The following KIF26B variants were observed in gnomAD, a reference collection of about 807,000 sequenced individuals.
KIF26B encodes kinesin family member 26B.
KIF26B carries 63 observed loss-of-function variants against 151.2 expected under a neutral mutation model. The observed-to-expected ratio is 0.42, with a 90% CI of 0.34 to 0.51. KIF26B has a LOEUF of 0.51. Ranked by LOEUF, KIF26B falls within the 20% of genes least tolerant of loss-of-function variation. The probability of loss-of-function intolerance (pLI) is 0.07; values close to 1 mark genes in which losing one functional copy is unlikely to be tolerated. For synonymous variants in KIF26B, 1,357 were observed against 1,262.1 expected (o/e 1.08, Z -1.59); for missense variants, 2,813 against 2,913.6 (o/e 0.97, Z 0.79).
At position 245,156,328 on chromosome 1, in the gene KIF26B, C is replaced by A; in HGVS notation, c.110C>A (p.Pro37Gln). 6.5e-7 allele frequency: 1 copy of A among 1,547,492 alleles called. No individual in the cohort carries two copies. ...SPTKPAAPFS[P>Q]ESWYRKAYEE... ...ACCAAGCCCGCAGCGCCCTTCTCCC[C>A]GGAAAGCTGGTACCGGAAAGCATAC... The change falls in exon 2 of 15, where the codon CCG becomes CAG. Residue 37 changes from proline to glutamine, a missense_variant. Pro to Gln is a moderately conservative substitution (Grantham distance 76). Transcript: ENST00000407071.
At chr1:245,197,475 T>C (rs1669216054) in intron 2 of KIF26B, among the ~76,000 whole-genome samples, 1 of 152,166 alleles carries the variant, frequency 6.6e-6, no homozygotes, top group African/African-American at 2.4e-5. Flanking sequence ...AATATAATTA[T>C]AACTTTGTTT....
chr1:245,421,671 C>G (rs1658490209), intron 4 of KIF26B, among the ~76,000 whole-genome samples: 1 of 152,158 alleles, frequency 6.6e-6, no homozygotes, highest in South Asian at 2.1e-4. Flanking sequence ...TTGACTGACT[C>G]ACAAGGCAAC....
rs74163062 is a variant in KIF26B at position 245,532,248 on chromosome 1, CTTTT to C, written c.1167-8507_1167-8504del. 1.7e-3 allele frequency among the ~76,000 whole-genome samples: 210 copies of C among 121,460 alleles called. 1 individual carries two copies. Among genetic ancestry groups the C allele is most frequent in the Admixed American group, 3.3e-3 (37 of 11,082 alleles). 79.7% of individuals were successfully genotyped at this position (121,460 alleles called of 152,430 possible). On this transcript the variant is annotated intron_variant, in intron 4 of 14. Coordinates refer to ENST00000407071, the MANE Select transcript of KIF26B (RefSeq NM_018012.4). The stretch of plus-strand genomic sequence containing the variant: ...CTTTTCTTTTCTTTTCTTTTCTTTT[CTTTT>C]TTTTTTTTTTTGAGACAGAGTCTTG...
intron 3 of KIF26B, among the ~76,000 whole-genome samples, chr1:245,418,422 C>A (rs1026174809): frequency 6.6e-6 from 1 of 152,134 alleles, no homozygotes; most frequent in Non-Finnish European, 1.5e-5. Flanking sequence ...TGAATTTAAG[C>A]GGAGCAAAGT....
intron 3 of KIF26B, among the ~76,000 whole-genome samples, chr1:245,397,740 A>G (rs79632765): frequency 3.0e-3 from 463 of 152,334 alleles, no homozygotes; most frequent in African/African-American, 0.011. Context: ...GGAACATGCC[A>G]GTGTCTTCAA....
chr1:245,544,779 G>A (rs529925097), intron 5 of KIF26B, among the ~76,000 whole-genome samples: 42 of 152,288 alleles, frequency 2.8e-4, no homozygotes, highest in African/African-American at 1.0e-3. Context: ...ACTTTTCAGA[G>A]TCAGGATTGG....
At position 245,560,084 on chromosome 1, in the gene KIF26B, C is replaced by T. The variant is rs1358127402; in HGVS notation, c.1350+19134C>T. On this transcript the variant is annotated intron_variant, in intron 5 of 14. Transcript: ENST00000407071. This position sits in a 1 kb window ranked among gnomAD's most constrained non-coding sequence, Gnocchi z 4.3. ...CAGGCCCAGCTCCCGTGTCACCTGCCACCTGCAGGCCTTCCTCTTGTCCCT... is the reference window on the plus strand; with the variant it reads ...CAGGCCCAGCTCCCGTGTCACCTGCTACCTGCAGGCCTTCCTCTTGTCCCT... 1.3e-5 allele frequency among the ~76,000 whole-genome samples: 2 copies of T among 152,284 alleles called. No individual in the cohort carries two copies. Among genetic ancestry groups the T allele is most frequent in the East Asian group, 3.9e-4 (2 of 5,164 alleles).
intron 4 of KIF26B, among the ~76,000 whole-genome samples, chr1:245,522,492 A>G (rs770395569): frequency 3.3e-5 from 5 of 152,198 alleles, no homozygotes; most frequent in Non-Finnish European, 7.3e-5. Context: ...CAGAGGAGGA[A>G]CTACCAAGTA....
Position 245,687,317 on chromosome 1 carries a change from A to T in KIF26B, c.4334A>T (p.Glu1445Val). 1 of 1,603,438 alleles carries T rather than the reference A, an allele frequency of 6.2e-7. No homozygotes were observed. Residue 1445 changes from glutamate (E) to valine (V), a missense_variant, in exon 12 of 15, where the codon GAA (glutamate) becomes GTA (valine). Glu to Val is a moderately radical substitution (Grantham distance 121). Coordinates refer to ENST00000407071, the MANE Select transcript of KIF26B (RefSeq NM_018012.4). The surrounding 1 kb of genome is among the most constrained non-coding windows in gnomAD (Gnocchi z 4.9). ...TTTGAGGACCCGTGGCTGAAACGAG[A>T]AGAGGAAGTGAAAAAAGAGACGGCT... is the stretch of plus-strand genomic sequence containing the variant. ...MKFEDPWLKR[E>V]EEVKKETAHP...
intron 10 of KIF26B, among the ~76,000 whole-genome samples, chr1:245,665,770 C>T (rs548901267): frequency 9.9e-5 from 15 of 152,012 alleles, no homozygotes; most frequent in East Asian, 9.7e-4. Flanking sequence ...CTGCAACCTC[C>T]GCTTCCCGAG....
At chr1:245,156,254 C>A in intron 1 of KIF26B, 28 bp from the exon 2 acceptor site, 1 of 1,541,224 alleles carries the variant, frequency 6.5e-7, no homozygotes, top group South Asian at 1.2e-5. Flanking sequence ...GCCTTGCAGC[C>A]CCTGACACCG....
rs78972305 is a variant in KIF26B, at chr1:245,312,419, T to C, written c.466-54415T>C. Among the ~76,000 whole-genome samples, 547 of 152,322 alleles carry C rather than the reference T, an allele frequency of 3.6e-3. 1 individual carries two copies. Among genetic ancestry groups the C allele is most frequent in the African/African-American group, 0.012 (515 of 41,568 alleles). On this transcript the variant is annotated intron_variant, in intron 2 of 14. Transcript: ENST00000407071. ...GAGCAACAAAATGAGATTTTTAATC[T>C]ACATAAATACAGGAGTCGTTTGCCT...
In KIF26B at chr1:245,547,317, G is replaced by T. The variant is rs545386195; in HGVS notation, c.1350+6367G>T. Among the ~76,000 whole-genome samples the T allele has an allele frequency of 1.6e-4, 25 of 152,322 alleles. No individual in the cohort carries two copies. In the South Asian group the frequency reaches 4.6e-3, roughly 28 times the overall value. ...AAGAAAGTGTGAGCCAGGCATGGTG[G>T]CTCACGTCTGTAATCCCAGCACTTT... On this transcript the variant is annotated intron_variant, in intron 5 of 14. Transcript: ENST00000407071.
At chr1:245,482,138 C>A (rs1282642743) in intron 4 of KIF26B, among the ~76,000 whole-genome samples, 1 of 151,836 alleles carries the variant, frequency 6.6e-6, no homozygotes, top group African/African-American at 2.4e-5. Flanking sequence ...GTCACCCAGG[C>A]TGGAGTGCAG....
chr1:245,402,548 T>C (rs77975846), intron 3 of KIF26B, among the ~76,000 whole-genome samples: 1,848 of 152,288 alleles, frequency 0.012, 39 homozygotes, highest in African/African-American at 0.042. Context: ...AGTTAAAAAT[T>C]GATAGTCTGT....
At chr1:245,324,061 G>A (rs1286220913) in intron 2 of KIF26B, among the ~76,000 whole-genome samples, 1 of 136,286 alleles carries the variant, frequency 7.3e-6, no homozygotes, top group East Asian at 2.4e-4. Flanking sequence ...TGATGTGGGT[G>A]GTTGGAGGTG....
intron 2 of KIF26B, among the ~76,000 whole-genome samples, chr1:245,299,361 A>T (rs888172828): frequency 1.5e-5 from 2 of 136,430 alleles, no homozygotes; most frequent in African/African-American, 5.6e-5. Flanking sequence ...GGTCGCCCAC[A>T]TGATGGGTTG....
intron 2 of KIF26B, among the ~76,000 whole-genome samples, chr1:245,324,542 G>A (rs1170791984): frequency 6.6e-6 from 1 of 152,204 alleles, no homozygotes; most frequent in Non-Finnish European, 1.5e-5. Context: ...AGAATAAAAT[G>A]AAGCTGAGTG....
At position 245,166,645 on chromosome 1, in the gene KIF26B, G is replaced by T. The variant is rs980797066; in HGVS notation, c.465+9962G>T. ...GATTTCCTCCAGTGACTGCGCATGCGATGTGCAGATCTGAGCCGCACCAGG... is the reference window on the plus strand; with the variant it reads ...GATTTCCTCCAGTGACTGCGCATGCTATGTGCAGATCTGAGCCGCACCAGG... On this transcript the variant is annotated intron_variant, in intron 2 of 14. Coordinates refer to ENST00000407071, the MANE Select transcript of KIF26B (RefSeq NM_018012.4). This position sits in a 1 kb window ranked among gnomAD's most constrained non-coding sequence, Gnocchi z 4.5. 6.6e-6 allele frequency among the ~76,000 whole-genome samples: 1 copy of T among 152,194 alleles called. No individual in the cohort carries two copies.
Sources: allele counts gnomAD v4.1 joint callset (sites outside exome capture counted in the v4.1 genomes callset), GRCh38; gene constraint gnomAD v4.1.1; non-coding constraint Gnocchi (gnomAD v3.1); transcripts MANE v1.5; gene names NCBI Gene and HGNC (gene_info 2026-07-23, HGNC 2026-07-21).